Variants in CDKL3 observed in about 807,000 individuals in gnomAD.
CDKL3 encodes cyclin-dependent kinase-like 3.
CDKL3 carries 65 observed loss-of-function variants against 69.3 expected under a neutral mutation model. The observed-to-expected ratio is 0.94, with a 90% CI of 0.77 to 1.15. The LOEUF is 1.15. Among genes scored for constraint, CDKL3 ranks in the 50% most tolerant of loss-of-function variants. CDKL3 has a pLI of 0.00. For synonymous variants in CDKL3, 202 were observed against 221.6 expected (o/e 0.91, Z 0.79); for missense variants, 652 against 689.2 (o/e 0.95, Z 0.61).
At chr5:134,358,361 C>T (rs1366275692) in intron 3 of CDKL3, among the ~76,000 whole-genome samples, 5 of 152,170 alleles carry the variant, frequency 3.3e-5, no homozygotes, top group Admixed American at 6.6e-5. Context: ...CAAAATTCTA[C>T]TTACTTTAGT....
At chr5:134,303,762 T>C (rs757035071) in intron 11 of CDKL3, among the ~76,000 whole-genome samples, 17 of 151,420 alleles carry the variant, frequency 1.1e-4, no homozygotes, top group Middle Eastern at 3.4e-3. Flanking sequence ...GGCACGAGAA[T>C]CACTTGAACC....
chr5:134,331,644 T>C (rs1239660420), intron 4 of CDKL3, among the ~76,000 whole-genome samples: 4 of 152,230 alleles, frequency 2.6e-5, no homozygotes, highest in East Asian at 1.9e-4. Context: ...TCCTTTTTTA[T>C]GGCAAGATAG....
chr5:134,309,160 G>A (rs553399045), intron 7 of CDKL3, among the ~76,000 whole-genome samples: 4 of 151,942 alleles, frequency 2.6e-5, no homozygotes, highest in African/African-American at 4.8e-5. Context: ...ATCTCATCTC[G>A]CCACAACTTT....
intron 6 of CDKL3, among the ~76,000 whole-genome samples, chr5:134,314,889 T>G (rs1770589274): frequency 6.6e-6 from 1 of 152,194 alleles, no homozygotes; most frequent in Non-Finnish European, 1.5e-5. Flanking sequence ...TTTGTGTGTG[T>G]GTGTGTTAGG....
At chr5:134,347,697 T>TAA (rs1175296441) in intron 4 of CDKL3, among the ~76,000 whole-genome samples, 681 of 52,794 alleles carry the variant, frequency 0.013, 26 homozygotes, top group African/African-American at 0.046. Context: ...CCATCTCTGC[T>TAA]AAAAAAAAAA....
intron 6 of CDKL3, among the ~76,000 whole-genome samples, chr5:134,313,415 C>CGTT (rs949060484): frequency 6.6e-6 from 1 of 152,114 alleles, no homozygotes; most frequent in Admixed American, 6.6e-5. Context: ...ACATACCAGA[C>CGTT]AACGCTCCAG....
chr5:134,338,585 A>G (rs1777645347), intron 4 of CDKL3, among the ~76,000 whole-genome samples: 1 of 151,776 alleles, frequency 6.6e-6, no homozygotes, highest in East Asian at 1.9e-4. Context: ...AATCTCAGCT[A>G]CTCAGGAGGC....
rs560960180 is a variant in CDKL3, at chr5:134,308,566, G to A, written c.1035+8C>T. On this transcript the variant is annotated splice_region_variant and intron_variant, in intron 8 of 12. Coordinates refer to ENST00000265334, the MANE Select transcript of CDKL3 (RefSeq NM_001113575.2). ...TATACTGGCTGAAACAAAAACCAAA[G>A]TTCTTACCTTTCCCAAAACTGAACT... is the stretch of plus-strand genomic sequence containing the variant. The A allele has an allele frequency of 1.3e-6, 2 of 1,573,178 alleles. No homozygotes were observed. Among genetic ancestry groups the A allele is most frequent in the Admixed American group, 2.1e-5 (1 of 48,570 alleles).
At position 134,326,854 on chromosome 5, in the gene CDKL3, TATATATATATATAC is replaced by T. The variant is rs1282446875; in HGVS notation, c.540-4965_540-4952del. Among the ~76,000 whole-genome samples, 366 of 95,600 alleles carry T rather than the reference TATATATATATATAC, an allele frequency of 3.8e-3. 5 individuals are homozygous for T. The highest frequency in any genetic ancestry group is 1.0e-2 in the African/African-American group (155 of 15,520). 62.7% of individuals were successfully genotyped at this position (95,600 alleles called of 152,430 possible). The stretch of plus-strand genomic sequence containing the variant: ...ATATATATATATATATATATATATA[TATATATATATATAC>T]ACACACACACATAGTCCTTATAGTC... On this transcript the variant is annotated intron_variant, in intron 4 of 12. Transcript: ENST00000265334.
chr5:134,346,153 A>G (rs1343228379), intron 4 of CDKL3, among the ~76,000 whole-genome samples: 1 of 152,172 alleles, frequency 6.6e-6, no homozygotes, highest in Non-Finnish European at 1.5e-5. Context: ...CCTCCCTTGA[A>G]AGTAAGTCAT....
chr5:134,315,748 A>G (rs1770881797), intron 6 of CDKL3, among the ~76,000 whole-genome samples: 1 of 152,224 alleles, frequency 6.6e-6, no homozygotes, highest in African/African-American at 2.4e-5. Flanking sequence ...GCTACTCAGG[A>G]GGCTGAGGCG....
At chr5:134,305,369 C>T (rs1767533413) in intron 10 of CDKL3, among the ~76,000 whole-genome samples, 1 of 152,180 alleles carries the variant, frequency 6.6e-6, no homozygotes, top group African/African-American at 2.4e-5. Context: ...CCAGCTCAGT[C>T]TCCCAAAATG....
At chr5:134,369,549 G>A (rs1758116611), upstream of CDKL3, among the ~76,000 whole-genome samples, 1 of 152,042 alleles carries the variant, frequency 6.6e-6, no homozygotes. Context: ...TTCTGTCTCT[G>A]CTTTCAGTGA....
chr5:134,315,623 C>T (rs1016841026), intron 6 of CDKL3, among the ~76,000 whole-genome samples: 1 of 152,106 alleles, frequency 6.6e-6, no homozygotes, highest in Non-Finnish European at 1.5e-5. Context: ...CATAAGCCAC[C>T]ACGCCTGGCC....
At chr5:134,371,500 G>GCGGCGACGGCGA, upstream of CDKL3, 1 of 1,490,688 alleles carries the variant, frequency 6.7e-7, no homozygotes, top group East Asian at 2.5e-5. Flanking sequence ...GGCGGCGGCG[G>GCGGCGACGGCGA]CGGCGATCCA....
At chr5:134,293,178 G>A (rs150973) in intron 8 of CDKL3, among the ~76,000 whole-genome samples, 4 of 151,650 alleles carry the variant, frequency 2.6e-5, no homozygotes, top group African/African-American at 4.8e-5. Flanking sequence ...GCGCCACCAC[G>A]CCCAGCTAAT....
intron 4 of CDKL3, among the ~76,000 whole-genome samples, chr5:134,332,691 C>T (rs1485869201): frequency 1.3e-5 from 2 of 152,198 alleles, no homozygotes; most frequent in East Asian, 1.9e-4. Flanking sequence ...ATTTTGATTA[C>T]TGTAGCCTTG....
At chr5:134,359,336 G>C (rs1191654096) in intron 3 of CDKL3, among the ~76,000 whole-genome samples, 1 of 152,132 alleles carries the variant, frequency 6.6e-6, no homozygotes, top group African/African-American at 2.4e-5. Context: ...AACCTGCTGA[G>C]CTAAACACTT....
At chr5:134,297,890 T>TTGTGTGTGTGTG, downstream of CDKL3, among the ~76,000 whole-genome samples, 1 of 105,104 alleles carries the variant, frequency 9.5e-6, no homozygotes, top group Non-Finnish European at 1.9e-5. Context: ...CATGAATAGT[T>TTGTGTGTGTGTG]TGTGTGTGTG....
Sources: gnomAD v4.1 joint callset for allele counts (sites outside exome capture counted in the v4.1 genomes callset) on GRCh38, gnomAD v4.1.1 for gene constraint, MANE v1.5 for transcripts, NCBI Gene and HGNC (gene_info 2026-07-23, HGNC 2026-07-21) for gene names.